Variants in DOCK4 observed in about 807,000 individuals in gnomAD.
DOCK4 encodes dedicator of cytokinesis 4.
In DOCK4, 97 loss-of-function variants were observed where a neutral mutation model predicts 268.1. The observed-to-expected ratio is 0.36, with a 90% CI of 0.31 to 0.43. The LOEUF (loss-of-function observed/expected upper bound fraction) is 0.43. DOCK4 is among the 20% of genes least tolerant of loss of function. The pLI is 1.00. For synonymous variants in DOCK4, 954 were observed against 887.2 expected, an observed-to-expected ratio of 1.08 and a Z score of -1.34; for missense variants, 2,145 against 2,455.7, an observed-to-expected ratio of 0.87 and a Z score of 2.67.
chr7:111,949,957 C>T (rs539996437), intron 8 of DOCK4, among the ~76,000 whole-genome samples: 69 of 152,324 alleles, frequency 4.5e-4, no homozygotes, highest in African/African-American at 1.6e-3. Flanking sequence ...GACGGAGTCT[C>T]GTTCTATCAC....
At chr7:111,885,405 A>G (rs572191094) in intron 16 of DOCK4, among the ~76,000 whole-genome samples, 2 of 152,336 alleles carry the variant, frequency 1.3e-5, no homozygotes, top group South Asian at 4.1e-4. Flanking sequence ...AAACCCAGTG[A>G]AGGCATGGAG....
At chr7:111,866,736 G>A (rs1159277963) in intron 22 of DOCK4, among the ~76,000 whole-genome samples, 1 of 152,198 alleles carries the variant, frequency 6.6e-6, no homozygotes, top group African/African-American at 2.4e-5. Flanking sequence ...ACTCTTAAGA[G>A]TAAGAAAATA....
chr7:112,124,217 T>A (rs1006778265), intron 1 of DOCK4, among the ~76,000 whole-genome samples: 2 of 152,088 alleles, frequency 1.3e-5, no homozygotes, highest in African/African-American at 4.8e-5. Flanking sequence ...GACGAGATCC[T>A]GTTTTGTCGT....
At chr7:111,993,125 T>C (rs1057185266) in intron 5 of DOCK4, among the ~76,000 whole-genome samples, 8 of 152,226 alleles carry the variant, frequency 5.3e-5, no homozygotes, top group African/African-American at 1.9e-4. Flanking sequence ...GGGTTTTCAC[T>C]AGTGACTTTG....
At chr7:112,000,649 T>C (rs1047090913) in intron 2 of DOCK4, 115 bp from the exon 3 acceptor site, 10 of 695,518 alleles carry the variant, frequency 1.4e-5, no homozygotes, top group South Asian at 3.0e-5. Context: ...AAAGATTCTA[T>C]GGATAAATAT....
chr7:112,114,204 T>C (rs11771958), intron 1 of DOCK4, among the ~76,000 whole-genome samples: 52,985 of 151,938 alleles, frequency 0.35, 9,425 homozygotes, highest in African/African-American at 0.43. Context: ...CAAGCCTTCA[T>C]GACACGGTCA....
chr7:112,153,598 C>T (rs1203345533), intron 1 of DOCK4, among the ~76,000 whole-genome samples: 4 of 152,154 alleles, frequency 2.6e-5, no homozygotes, highest in African/African-American at 9.7e-5. Context: ...AGTCAGTTGT[C>T]TGTTTCTCCA....
At chr7:112,147,082 T>G (rs1815579984) in intron 1 of DOCK4, among the ~76,000 whole-genome samples, 1 of 152,104 alleles carries the variant, frequency 6.6e-6, no homozygotes, top group Non-Finnish European at 1.5e-5. Flanking sequence ...GTTATATTAA[T>G]CCAGATATTA....
chr7:111,867,884 T>G, intron 22 of DOCK4, 100 bp downstream of exon 22: 2 of 1,179,708 alleles, frequency 1.7e-6, no homozygotes, highest in Non-Finnish European at 2.2e-6. Context: ...CTGGAGCAAT[T>G]GACTTCTGAT....
chr7:112,103,703 G>A (rs975711286), intron 1 of DOCK4, among the ~76,000 whole-genome samples: 4 of 152,100 alleles, frequency 2.6e-5, no homozygotes, highest in African/African-American at 7.2e-5. Flanking sequence ...CAAACAGGGC[G>A]AAACCCCGTC....
chr7:111,905,646 C>A (rs1379535127), intron 13 of DOCK4, among the ~76,000 whole-genome samples: 1 of 151,890 alleles, frequency 6.6e-6, no homozygotes, highest in Non-Finnish European at 1.5e-5. Context: ...TGTACACTGT[C>A]CCAGCGGCTT....
intron 16 of DOCK4, among the ~76,000 whole-genome samples, chr7:111,881,008 A>G (rs776624085): frequency 1.1e-4 from 17 of 152,210 alleles, no homozygotes; most frequent in Non-Finnish European, 1.9e-4. Flanking sequence ...TCTCCAGGAC[A>G]GCGGTCTGGG....
At chr7:111,909,222 T>TG (rs1486669026) in intron 13 of DOCK4, among the ~76,000 whole-genome samples, 1 of 152,238 alleles carries the variant, frequency 6.6e-6, no homozygotes, top group African/African-American at 2.4e-5. Context: ...TGGTGTGAGA[T>TG]ATATCTCATT....
chr7:111,742,680 G>A (rs1795998349), intron 44 of DOCK4, among the ~76,000 whole-genome samples: 1 of 152,174 alleles, frequency 6.6e-6, no homozygotes, highest in South Asian at 2.1e-4. Context: ...CAGTTTCCAT[G>A]CTTCTTGTTT....
At chr7:112,126,700 A>G (rs1158826617) in intron 1 of DOCK4, among the ~76,000 whole-genome samples, 1 of 152,178 alleles carries the variant, frequency 6.6e-6, no homozygotes, top group Non-Finnish European at 1.5e-5. Flanking sequence ...ATGAACTCAA[A>G]CAAATTTACA....
At chr7:111,977,349 A>C in intron 7 of DOCK4, 66 bp from the exon 8 acceptor site, 1 of 1,526,262 alleles carries the variant, frequency 6.6e-7, no homozygotes, top group East Asian at 2.4e-5. Context: ...GACCCAACAA[A>C]CTAGTTAGCT....
intron 1 of DOCK4, among the ~76,000 whole-genome samples, chr7:112,189,750 T>TG (rs1554475275): frequency 1.7e-4 from 21 of 123,682 alleles, no homozygotes; most frequent in African/African-American, 4.2e-4. Context: ...GGTTTTGTTT[T>TG]TTTTTTTTTT....
chr7:112,058,933 G>A (rs1225143016), intron 1 of DOCK4, among the ~76,000 whole-genome samples: 11 of 152,068 alleles, frequency 7.2e-5, no homozygotes, highest in Non-Finnish European at 1.2e-4. Context: ...AGCTCTGGAG[G>A]AGAAGCTGAT....
chr7:111,812,492 C>T (rs929694774), intron 27 of DOCK4, among the ~76,000 whole-genome samples: 14 of 152,176 alleles, frequency 9.2e-5, no homozygotes, highest in African/African-American at 1.7e-4. Context: ...CTGTTGACCA[C>T]GCTGGTCTTG....
Sources: allele counts gnomAD v4.1 joint callset (sites outside exome capture counted in the v4.1 genomes callset), GRCh38; gene constraint gnomAD v4.1.1; transcripts MANE v1.5; gene names NCBI Gene and HGNC (gene_info 2026-07-23, HGNC 2026-07-21).